RBFOX2: variants seen among roughly 807,000 people sequenced by gnomAD.
RBFOX2 encodes the protein RNA binding fox-1 homolog 2.
A neutral mutation model predicts 49.1 loss-of-function variants in RBFOX2; 10 were observed. That is an observed-to-expected ratio of 0.20 (90% CI 0.13 to 0.35). The LOEUF (loss-of-function observed/expected upper bound fraction) is 0.35, where lower values mean the gene tolerates loss of function less well. Ranked by LOEUF, RBFOX2 falls within the 10% of genes least tolerant of loss-of-function variation. RBFOX2 has a pLI of 1.00. For missense variants in RBFOX2, 323 were observed against 486.9 expected, an observed-to-expected ratio of 0.66 and a Z score of 3.17; for synonymous variants, 183 against 187.4, an observed-to-expected ratio of 0.98 and a Z score of 0.19.
intron 1 of RBFOX2, among the ~76,000 whole-genome samples, chr22:35,812,579 A>T (rs1430656424): frequency 1.3e-5 from 2 of 152,212 alleles, no homozygotes; most frequent in Non-Finnish European, 2.9e-5. Context: ...GACATGAAAA[A>T]GAATTGAATT....
At chr22:35,767,702 T>C (rs1043415113) in intron 5 of RBFOX2, among the ~76,000 whole-genome samples, 3 of 152,124 alleles carry the variant, frequency 2.0e-5, no homozygotes, top group Non-Finnish European at 4.4e-5. Context: ...TGGTATTAGA[T>C]ATATTTAAAA....
upstream of RBFOX2, among the ~76,000 whole-genome samples, chr22:35,964,317 A>G (rs2056432682): frequency 6.6e-6 from 1 of 152,210 alleles, no homozygotes; most frequent in East Asian, 1.9e-4. Context: ...GGTCAAAGTC[A>G]TACTTTTTAT....
At chr22:35,936,688 CA>C (rs1459880446) in intron 1 of RBFOX2, among the ~76,000 whole-genome samples, 1 of 152,162 alleles carries the variant, frequency 6.6e-6, no homozygotes, top group Non-Finnish European at 1.5e-5. Flanking sequence ...AGGCCTGCAG[CA>C]GAGACAGCAT....
chr22:35,897,528 G>A (rs926100287), intron 1 of RBFOX2: 20 of 826,008 alleles, frequency 2.4e-5, no homozygotes, highest in Non-Finnish European at 3.9e-5. Context: ...CAAGGGGTAC[G>A]GGAGGAAGTA....
At chr22:35,764,503 T>A (rs540812360) in intron 6 of RBFOX2, among the ~76,000 whole-genome samples, 2 of 148,846 alleles carry the variant, frequency 1.3e-5, no homozygotes, top group Non-Finnish European at 3.0e-5. Flanking sequence ...GAGAATGGCG[T>A]GAACCTGGGA....
intron 1 of RBFOX2, among the ~76,000 whole-genome samples, chr22:35,838,033 T>A (rs1372731823): frequency 6.6e-6 from 1 of 152,124 alleles, no homozygotes; most frequent in African/African-American, 2.4e-5. Flanking sequence ...CCATTTTAGA[T>A]CATTCTTTCA....
chr22:35,932,421 T>G (rs1053426094), intron 1 of RBFOX2, among the ~76,000 whole-genome samples: 1 of 152,262 alleles, frequency 6.6e-6, no homozygotes. Flanking sequence ...GCTGCCACTC[T>G]GAATTTAAAT....
In RBFOX2 at chr22:35,971,826, A is replaced by G. The variant is rs1287304321; in HGVS notation, c.187-32929T>C. Among the ~76,000 whole-genome samples the G allele has an allele frequency of 2.9e-4, 43 of 149,236 alleles. No homozygotes were observed. The Admixed American group carries it at 2.9e-3, about 10-fold the overall frequency. On this transcript the variant is annotated intron_variant, in intron 1 of 13. Coordinates refer to the RBFOX2 transcript ENST00000438146. ...TCTTGGTCAGCCCCATCCCAAACAC[A>G]CTGAAAACCTTTGTACTGTAGCAGG...
chr22:36,015,476 G>A (rs2058998595), intron 1 of RBFOX2, among the ~76,000 whole-genome samples: 1 of 152,210 alleles, frequency 6.6e-6, no homozygotes, highest in African/African-American at 2.4e-5. Context: ...GCCACTAACA[G>A]TAACCATGTT....
intron 2 of RBFOX2, among the ~76,000 whole-genome samples, chr22:35,793,923 T>C (rs573541159): frequency 6.6e-6 from 1 of 152,322 alleles, no homozygotes; most frequent in East Asian, 1.9e-4. Flanking sequence ...ATCATTTGTA[T>C]ATGTAACATG....
chr22:36,006,118 T>C (rs989455061), intron 1 of RBFOX2, among the ~76,000 whole-genome samples: 1 of 152,226 alleles, frequency 6.6e-6, no homozygotes, highest in African/African-American at 2.4e-5. Context: ...AAATATCACC[T>C]GCCTACCTAC....
chr22:35,739,362 G>A (rs1043123), exon 12 of RBFOX2: 2 of 152,326 alleles, frequency 1.3e-5, no homozygotes, highest in Non-Finnish European at 1.5e-5. Context: ...GCCTGTCAGG[G>A]ACAAGTACAC....
intron 1 of RBFOX2, among the ~76,000 whole-genome samples, chr22:35,901,897 C>T (rs954509154): frequency 7.9e-5 from 12 of 152,028 alleles, no homozygotes; most frequent in African/African-American, 2.9e-4. Flanking sequence ...GCCTGGCCAA[C>T]ATGGTGAAAC....
intron 1 of RBFOX2, among the ~76,000 whole-genome samples, chr22:35,948,691 A>AT (rs923304352): frequency 6.6e-6 from 1 of 151,960 alleles, no homozygotes. Flanking sequence ...TCAAAAAAAA[A>AT]TTTTTTTTAA....
intron 1 of RBFOX2, among the ~76,000 whole-genome samples, chr22:35,820,848 A>T (rs1954291890): frequency 6.6e-6 from 1 of 152,240 alleles, no homozygotes; most frequent in Non-Finnish European, 1.5e-5. Context: ...AGACAAGGAG[A>T]TTCATTAGAA....
At chr22:35,988,153 C>CT (rs1358552953) in intron 1 of RBFOX2, among the ~76,000 whole-genome samples, 1 of 152,196 alleles carries the variant, frequency 6.6e-6, no homozygotes. Flanking sequence ...TTGAACATGA[C>CT]TTTGTTTGAA....
chr22:35,750,999 GCT>G (rs1375354266), intron 9 of RBFOX2, among the ~76,000 whole-genome samples: 2 of 152,104 alleles, frequency 1.3e-5, no homozygotes, highest in African/African-American at 4.8e-5. Flanking sequence ...TTTCTACTCT[GCT>G]CTGAGCCAAT....
chr22:36,013,648 C>CACACAGAG (rs1260073505), intron 1 of RBFOX2, among the ~76,000 whole-genome samples: 3 of 148,056 alleles, frequency 2.0e-5, no homozygotes, highest in African/African-American at 7.4e-5. Flanking sequence ...CACACACACA[C>CACACAGAG]AGAGAGAGAG....
intron 9 of RBFOX2, chr22:35,747,960 GTTC>G (rs750570660): frequency 2.0e-5 from 3 of 152,172 alleles, no homozygotes; most frequent in African/African-American, 4.8e-5. Flanking sequence ...GGGGACCCCT[GTTC>G]TTCTTAACCA....
Sources: gnomAD v4.1 joint callset for allele counts (sites outside exome capture counted in the v4.1 genomes callset) on GRCh38, gnomAD v4.1.1 for gene constraint, MANE v1.5 for transcripts, NCBI Gene and HGNC (gene_info 2026-07-23, HGNC 2026-07-21) for gene names.